EPHA3: variants seen among roughly 807,000 people sequenced by gnomAD.
EPHA3 encodes the protein ephrin type-A receptor 3.
In EPHA3, 42 loss-of-function variants were observed where a neutral mutation model predicts 107.1. The ratio of observed to expected loss-of-function variants is 0.39; its 90% confidence interval spans 0.31 to 0.51. The LOEUF (loss-of-function observed/expected upper bound fraction) is 0.51, where lower values mean the gene tolerates loss of function less well. Ranked by LOEUF, EPHA3 falls within the 20% of genes least tolerant of loss-of-function variation. The probability of loss-of-function intolerance (pLI) is 0.78; values close to 1 mark genes in which losing one functional copy is unlikely to be tolerated. For synonymous variants in EPHA3, 461 were observed against 424.8 expected (o/e 1.09, Z -1.05); for missense variants, 1,183 against 1,211.2 (o/e 0.98, Z 0.35).
chr3:89,418,969 A>C (rs1709302930), intron 10 of EPHA3, among the ~76,000 whole-genome samples: 1 of 151,326 alleles, frequency 6.6e-6, no homozygotes. Context: ...TCGTACTTTA[A>C]AGTATATGGA....
intron 5 of EPHA3, among the ~76,000 whole-genome samples, chr3:89,388,378 A>G (rs17199512): frequency 0.016 from 2,431 of 152,296 alleles, 64 homozygotes; most frequent in African/African-American, 0.055. Flanking sequence ...CAATGCAGTC[A>G]GATAAATAAT....
chr3:89,265,271 T>C (rs1705509906), intron 3 of EPHA3, among the ~76,000 whole-genome samples: 1 of 152,182 alleles, frequency 6.6e-6, no homozygotes, highest in African/African-American at 2.4e-5. Context: ...ATAGCATTTA[T>C]TTAGAGATGC....
rs1371915289 is a variant in EPHA3 at position 89,480,668 on chromosome 3, A to G, written c.*1166A>G. 4.3e-6 allele frequency: 1 copy of G among 232,502 alleles called. No homozygotes were observed. Among genetic ancestry groups the G allele is most frequent in the African/African-American group, 2.2e-5 (1 of 45,310 alleles). The allele number at this position is 232,502 out of a possible 1,614,324, so 14.4% of individuals were successfully genotyped here. On this transcript the variant is annotated 3_prime_UTR_variant, in exon 17 of 17. Transcript: ENST00000336596. ...CACTGGCTTTGAAAAGTCACTTACT[A>G]TTGTTGCTGAAACTTGCTGAGCTGT...
intron 2 of EPHA3, among the ~76,000 whole-genome samples, chr3:89,153,593 A>T (rs1440458292): frequency 1.3e-5 from 2 of 151,856 alleles, no homozygotes; most frequent in Non-Finnish European, 2.9e-5. Context: ...ATTCTTGTTG[A>T]CTTTACTTTC....
chr3:89,316,522 A>G (rs1157232848), intron 3 of EPHA3, among the ~76,000 whole-genome samples: 1 of 143,358 alleles, frequency 7.0e-6, no homozygotes, highest in African/African-American at 2.5e-5. Flanking sequence ...ATATATATAT[A>G]TATATATATA....
chr3:89,331,950 A>G (rs1707298631), intron 3 of EPHA3, among the ~76,000 whole-genome samples: 2 of 152,180 alleles, frequency 1.3e-5, no homozygotes, highest in African/African-American at 2.4e-5. Context: ...AAAGCTTTTC[A>G]GCACTATTCT....
intron 3 of EPHA3, among the ~76,000 whole-genome samples, chr3:89,316,548 G>T (rs1197982167): frequency 8.6e-6 from 1 of 116,852 alleles, no homozygotes; most frequent in Non-Finnish European, 1.8e-5. Context: ...ATAGAAAAGG[G>T]TATATACCTT....
At chr3:89,141,115 G>A (rs1333360045) in intron 2 of EPHA3, among the ~76,000 whole-genome samples, 1 of 151,454 alleles carries the variant, frequency 6.6e-6, no homozygotes, top group Non-Finnish European at 1.5e-5. Context: ...TAAAATGCAC[G>A]TCACCACTAC....
chr3:89,144,517 A>C (rs1291432952), intron 2 of EPHA3, among the ~76,000 whole-genome samples: 1 of 151,700 alleles, frequency 6.6e-6, no homozygotes, highest in Non-Finnish European at 1.5e-5. Flanking sequence ...TGGAATTATT[A>C]ATGGTAACAT....
Position 89,231,760 on chromosome 3 carries a change from C to T in EPHA3, c.814+21240C>T, listed in dbSNP as rs186416217. Among the ~76,000 whole-genome samples the T allele has an allele frequency of 8.6e-3, 1,314 of 152,112 alleles. 17 individuals carry two copies. The highest frequency in any genetic ancestry group is 0.03 in the African/African-American group (1,250 of 41,492). ...ACATGCTGTAGCAAAAACAGATTAACAAGAGGAAATAATACATCTATTTAA... is the reference window on the plus strand; with the variant it reads ...ACATGCTGTAGCAAAAACAGATTAATAAGAGGAAATAATACATCTATTTAA... On this transcript the variant is annotated intron_variant, in intron 3 of 16. Coordinates refer to ENST00000336596, the MANE Select transcript of EPHA3 (RefSeq NM_005233.6).
At chr3:89,110,716 A>G (rs1263845832) in intron 1 of EPHA3, among the ~76,000 whole-genome samples, 1 of 152,048 alleles carries the variant, frequency 6.6e-6, no homozygotes, top group East Asian at 1.9e-4. Context: ...TACACTACGT[A>G]TTATTTTAAA....
chr3:89,418,663 G>T (rs1229496487), intron 10 of EPHA3, among the ~76,000 whole-genome samples: 3 of 151,304 alleles, frequency 2.0e-5, no homozygotes, highest in Non-Finnish European at 4.4e-5. Context: ...CAGAAGCCCA[G>T]AGACTTTTAT....
intron 7 of EPHA3, among the ~76,000 whole-genome samples, chr3:89,401,098 A>G (rs1708953170): frequency 6.6e-6 from 1 of 152,146 alleles, no homozygotes; most frequent in Non-Finnish European, 1.5e-5. Flanking sequence ...CCTGATAAAA[A>G]CTTTCAGGAT....
At position 89,479,489 on chromosome 3, in the gene EPHA3, C is replaced by T. The variant is rs1456511809; in HGVS notation, c.2939C>T (p.Pro980Leu). The T allele has an allele frequency of 3.1e-6, 5 of 1,613,840 alleles. No individual in the cohort carries two copies. Among genetic ancestry groups the T allele is most frequent in the Non-Finnish European group, 4.2e-6 (5 of 1,179,858 alleles). ...KALETQSKNG[P>L]VPV ...CTAGAAACGCAATCAAAGAATGGCC[C>T]AGTTCCCGTGTAAAGCACGGGACGG... is the stretch of plus-strand genomic sequence containing the variant. Residue 980 changes from proline (P) to leucine (L), a missense_variant, in exon 17 of 17, where the codon CCA (proline) becomes CTA (leucine). Physicochemically the swap from Pro to Leu is moderately conservative, Grantham distance 98 (BLOSUM62 -3). Transcript: ENST00000336596.
intron 3 of EPHA3, among the ~76,000 whole-genome samples, chr3:89,320,991 T>G (rs1348246104): frequency 6.6e-6 from 1 of 152,024 alleles, no homozygotes; most frequent in African/African-American, 2.4e-5. Context: ...CTATGTATAT[T>G]TTATGAGAGA....
chr3:89,441,615 A>G (rs927043102), intron 13 of EPHA3, among the ~76,000 whole-genome samples: 6 of 152,300 alleles, frequency 3.9e-5, no homozygotes, highest in African/African-American at 4.8e-5. Context: ...TCCTTCACAT[A>G]TATAAGCTAG....
rs551307377 is a variant in EPHA3 at position 89,167,705 on chromosome 3, A to G, written c.153+40432A>G. On this transcript the variant is annotated intron_variant, in intron 2 of 16. Transcript: ENST00000336596. ...GTTCCTTCCTTTAGAAATTATAGGG[A>G]GTATCTGAGGACTAACTTGATACTG... Among the ~76,000 whole-genome samples the G allele has an allele frequency of 3.4e-4, 52 of 152,228 alleles. No homozygotes were observed. In the South Asian group the frequency reaches 0.01, roughly 30 times the overall value.
At chr3:89,460,038 C>A (rs1258003443) in intron 15 of EPHA3, among the ~76,000 whole-genome samples, 2 of 151,972 alleles carry the variant, frequency 1.3e-5, no homozygotes, top group Non-Finnish European at 2.9e-5. Context: ...ATAACTGAAG[C>A]TAAATTAAAA....
intron 3 of EPHA3, among the ~76,000 whole-genome samples, chr3:89,244,553 C>G (rs1266636201): frequency 6.6e-6 from 1 of 151,766 alleles, no homozygotes; most frequent in Non-Finnish European, 1.5e-5. Flanking sequence ...GTAATTCATA[C>G]CAAAGTATGA....
Sources: allele counts gnomAD v4.1 joint callset (sites outside exome capture counted in the v4.1 genomes callset), GRCh38; gene constraint gnomAD v4.1.1; transcripts MANE v1.5; gene names NCBI Gene and HGNC (gene_info 2026-07-23, HGNC 2026-07-21).